Variants in B3GALT1 observed in about 807,000 individuals in gnomAD.
The protein encoded by B3GALT1 is UDP-Gal:betaGlcNAc beta 1,3-galactosyltransferase, polypeptide 1.
Under a neutral mutation model 23.2 loss-of-function variants are expected in B3GALT1, and 10 were observed. The ratio of observed to expected loss-of-function variants is 0.43; its 90% confidence interval spans 0.27 to 0.73. The LOEUF is 0.73. Among genes scored for constraint, B3GALT1 ranks in the 30% least tolerant of loss-of-function variants. The pLI, the probability that B3GALT1 is intolerant of heterozygous loss-of-function variation, is 0.21. For missense variants in B3GALT1, 299 were observed against 405.4 expected (o/e 0.74, Z 2.25); for synonymous variants, 156 against 141.5 (o/e 1.10, Z -0.73).
intron 2 of B3GALT1, among the ~76,000 whole-genome samples, chr2:167,601,639 A>C (rs1173504986): frequency 6.6e-6 from 1 of 152,234 alleles, no homozygotes; most frequent in African/African-American, 2.4e-5. Flanking sequence ...CTTCAGTTCA[A>C]AGAAATTCAG....
Position 167,637,050 on chromosome 2 carries a change from C to T in B3GALT1, c.-409-9859C>T, listed in dbSNP as rs191784268. Among the ~76,000 whole-genome samples the T allele has an allele frequency of 4.3e-3, 649 of 151,994 alleles. 5 individuals are homozygous for T. The highest frequency in any genetic ancestry group is 0.015 in the African/African-American group (623 of 41,498). On this transcript the variant is annotated intron_variant, in intron 2 of 4. Transcript: ENST00000392690. ...ATGCCCTTATGGCTGCTCCCAGCTA[C>T]CCTGATTAGTTAGTGCCCATGCTAT... is the stretch of plus-strand genomic sequence containing the variant.
chr2:167,681,762 A>G (rs1384991329), intron 3 of B3GALT1, among the ~76,000 whole-genome samples: 1 of 152,190 alleles, frequency 6.6e-6, no homozygotes, highest in Admixed American at 6.5e-5. Flanking sequence ...CTGTAGCAAC[A>G]TAAGAAGAAT....
intron 4 of B3GALT1, among the ~76,000 whole-genome samples, chr2:167,868,402 A>G (rs2105443396): frequency 6.6e-6 from 1 of 152,132 alleles, no homozygotes. Context: ...AAAAACTCAG[A>G]CTCGGAAACT....
At chr2:167,631,732 CCT>C (rs72124360) in intron 2 of B3GALT1, among the ~76,000 whole-genome samples, 33 of 140,832 alleles carry the variant, frequency 2.3e-4, no homozygotes, top group Non-Finnish European at 2.2e-4. Flanking sequence ...AGCTTTCTTT[CCT>C]CTCTCTCTCT....
intron 1 of B3GALT1, among the ~76,000 whole-genome samples, chr2:167,313,586 C>A (rs935995688): frequency 1.3e-5 from 2 of 152,100 alleles, no homozygotes; most frequent in Non-Finnish European, 2.9e-5. Flanking sequence ...CAATACAGAT[C>A]ATCCCATTCG....
rs570250465 is a variant in B3GALT1 at position 167,427,260 on chromosome 2, T to G, written c.-510-62917T>G. ...TGGGAAAGAAAGAGAGCTGTGGTTG[T>G]GGAGGTATACATAGGGTGAGGAGAG... On this transcript the variant is annotated intron_variant, in intron 1 of 4. Transcript: ENST00000392690. Among the ~76,000 whole-genome samples, 9 of 152,316 alleles carry G rather than the reference T, an allele frequency of 5.9e-5. No individual in the cohort carries two copies. In the East Asian group the frequency reaches 1.7e-3, roughly 29 times the overall value.
At chr2:167,571,148 G>C (rs1259884079) in intron 2 of B3GALT1, among the ~76,000 whole-genome samples, 6 of 151,806 alleles carry the variant, frequency 4.0e-5, no homozygotes, top group African/African-American at 9.7e-5. Context: ...CTTTTGTAAG[G>C]GACATTCAAC....
intron 1 of B3GALT1, among the ~76,000 whole-genome samples, chr2:167,389,242 A>G (rs1697978361): frequency 6.6e-6 from 1 of 152,218 alleles, no homozygotes; most frequent in African/African-American, 2.4e-5. Context: ...GATTTTGTCT[A>G]TGTTCAGTAT....
In B3GALT1 at chr2:167,398,827, T is replaced by C. The variant is rs188773912; in HGVS notation, c.-510-91350T>C. The stretch of plus-strand genomic sequence containing the variant: ...GTTGTAGCTACAAAGCAAGGGAAAC[T>C]TAGTTCTCATCCACCACAACCTGCC... On this transcript the variant is annotated intron_variant, in intron 1 of 4. Transcript: ENST00000392690. 1.8e-3 allele frequency among the ~76,000 whole-genome samples: 281 copies of C among 152,214 alleles called. 1 individual carries two copies. The highest frequency in any genetic ancestry group is 6.5e-3 in the African/African-American group (271 of 41,558).
intron 3 of B3GALT1, among the ~76,000 whole-genome samples, chr2:167,816,989 C>G (rs796705125): frequency 3.9e-5 from 6 of 152,264 alleles, no homozygotes; most frequent in African/African-American, 1.4e-4. Context: ...TTGATTGTTT[C>G]TGGGACTCTT....
At chr2:167,830,127 A>C (rs1289509159) in intron 4 of B3GALT1, among the ~76,000 whole-genome samples, 1 of 152,210 alleles carries the variant, frequency 6.6e-6, no homozygotes, top group African/African-American at 2.4e-5. Flanking sequence ...CGTTCTCGCC[A>C]ATGCCCACCA....
intron 1 of B3GALT1, among the ~76,000 whole-genome samples, chr2:167,359,908 A>G (rs1269973368): frequency 6.6e-6 from 1 of 152,148 alleles, no homozygotes; most frequent in Admixed American, 6.5e-5. Flanking sequence ...AAAGCCCCAC[A>G]TTTTGAAATA....
intron 2 of B3GALT1, among the ~76,000 whole-genome samples, chr2:167,603,809 A>G (rs1684914458): frequency 1.3e-5 from 2 of 152,172 alleles, no homozygotes; most frequent in Non-Finnish European, 2.9e-5. Flanking sequence ...CTGTCATCAC[A>G]TAGATGCAGG....
intron 1 of B3GALT1, among the ~76,000 whole-genome samples, chr2:167,433,128 G>A (rs1012687563): frequency 5.9e-5 from 9 of 152,080 alleles, no homozygotes; most frequent in African/African-American, 1.7e-4. Context: ...ACCACTAATG[G>A]CTTTACGGCC....
chr2:167,563,947 C>CGGGGGGGCGGCTGGCCAGGCGG (rs563667264), intron 2 of B3GALT1, among the ~76,000 whole-genome samples: 1 of 121,564 alleles, frequency 8.2e-6, no homozygotes, highest in Non-Finnish European at 1.7e-5. Context: ...GCTGGCCAGG[C>CGGGGGGGCGGCTGGCCAGGCGG]GGGGCCGACC....
At chr2:167,642,097 A>G (rs1685662318) in intron 2 of B3GALT1, among the ~76,000 whole-genome samples, 1 of 152,162 alleles carries the variant, frequency 6.6e-6, no homozygotes, top group African/African-American at 2.4e-5. Context: ...AGCTGTGAGC[A>G]CCATCATCCC....
At chr2:167,832,368 T>G (rs1256092038) in intron 4 of B3GALT1, among the ~76,000 whole-genome samples, 7 of 152,190 alleles carry the variant, frequency 4.6e-5, no homozygotes, top group African/African-American at 1.4e-4. Context: ...CAAGTTGTAA[T>G]TACCATATAC....
chr2:167,603,622 T>C (rs1684911209), intron 2 of B3GALT1, among the ~76,000 whole-genome samples: 3 of 152,238 alleles, frequency 2.0e-5, no homozygotes, highest in South Asian at 2.1e-4. Flanking sequence ...CCCAGCATAA[T>C]AACTAATTGT....
At chr2:167,315,070 G>T (rs1259445954) in intron 1 of B3GALT1, among the ~76,000 whole-genome samples, 1 of 152,030 alleles carries the variant, frequency 6.6e-6, no homozygotes, top group Middle Eastern at 3.2e-3. Context: ...TTTTATAATA[G>T]TGTGATATAT....
Sources: allele counts gnomAD v4.1 joint callset (sites outside exome capture counted in the v4.1 genomes callset), GRCh38; gene constraint gnomAD v4.1.1; transcripts MANE v1.5; gene names NCBI Gene and HGNC (gene_info 2026-07-23, HGNC 2026-07-21).